Variants in FER1L5 observed in about 807,000 individuals in gnomAD.
FER1L5 encodes fer-1-like protein 5.
In FER1L5, 187 loss-of-function variants were observed where a neutral mutation model predicts 279.9. The observed-to-expected ratio is 0.67, with a 90% CI of 0.59 to 0.75. The LOEUF (loss-of-function observed/expected upper bound fraction) is 0.75, where lower values mean the gene tolerates loss of function less well. FER1L5 is among the 30% of genes least tolerant of loss of function. FER1L5 has a pLI of 0.00. For synonymous variants in FER1L5, 921 were observed against 989.7 expected, an observed-to-expected ratio of 0.93 and a Z score of 1.30; for missense variants, 2,091 against 2,594.4, an observed-to-expected ratio of 0.81 and a Z score of 4.21.
intron 37 of FER1L5, 137 bp from the exon 38 acceptor site, chr2:96,697,389 C>T: frequency 1.2e-6 from 1 of 866,058 alleles, no homozygotes; most frequent in East Asian, 2.7e-5. Flanking sequence ...TTCTAAAGAC[C>T]CCTGAATTAA....
At chr2:96,688,047 G>T (rs1053174227) in intron 24 of FER1L5, 100 bp downstream of exon 24, 3 of 1,463,706 alleles carry the variant, frequency 2.0e-6, no homozygotes, top group Non-Finnish European at 2.8e-6. Flanking sequence ...GGGATTTGGC[G>T]TGAGAAGGGA....
At chr2:96,693,791 T>C in intron 32 of FER1L5, 104 bp downstream of exon 32, 1 of 1,478,646 alleles carries the variant, frequency 6.8e-7, no homozygotes, top group Non-Finnish European at 9.0e-7. Context: ...CCATGAGGCC[T>C]GACGTGCAGA....
chr2:96,697,353 C>T (rs1558925602), intron 37 of FER1L5, among the ~76,000 whole-genome samples, 173 bp from the exon 38 acceptor site: 1 of 152,158 alleles, frequency 6.6e-6, no homozygotes, highest in African/African-American at 2.4e-5. Context: ...CTATCTGTCC[C>T]CTCCTTCTTG....
At chr2:96,649,497 C>A in intron 4 of FER1L5, 126 bp from the exon 5 acceptor site, 1 of 840,996 alleles carries the variant, frequency 1.2e-6, no homozygotes, top group Non-Finnish European at 1.9e-6. Context: ...GGCCCCATCC[C>A]ATGACTAGCA....
At chr2:96,703,689 G>T in intron 51 of FER1L5, 57 bp downstream of exon 51, 1 of 1,481,508 alleles carries the variant, frequency 6.7e-7, no homozygotes, top group Non-Finnish European at 9.4e-7. Context: ...TGTGTATGGG[G>T]TGGTGACCAG....
Position 96,700,264 on chromosome 2 carries a change from G to T in FER1L5, c.4931-68G>T. ...ACCCAGGCTGCGGTCGGGAGGGTAA[G>T]AGCCTACCTAGGAGATAGGAAGGCT... On this transcript the variant is annotated intron_variant, in intron 44 of 52. Coordinates refer to ENST00000624922, the MANE Select transcript of FER1L5 (RefSeq NM_001293083.2). 4 of 1,600,730 alleles carry T rather than the reference G, an allele frequency of 2.5e-6. No individual in the cohort carries two copies. The Admixed American group carries it at 5.0e-5, about 20-fold the overall frequency.
rs1402134770 is a variant in FER1L5, at chr2:96,702,128, G to A, written c.5159+85G>A. ...GGGCACCACTGTCCTCAGGTACTGA[G>A]CTGCAGTAATTCGTTTCTCTATTGG... On this transcript the variant is annotated intron_variant, in intron 46 of 52. Coordinates refer to ENST00000624922, the MANE Select transcript of FER1L5 (RefSeq NM_001293083.2). This position sits in a 1 kb window ranked among gnomAD's most constrained non-coding sequence, Gnocchi z 4.0. The A allele has an allele frequency of 1.3e-6, 2 of 1,572,454 alleles. No homozygotes were observed. The highest frequency in any genetic ancestry group is 1.7e-6 in the Non-Finnish European group (2 of 1,151,620).
chr2:96,694,155 C>T lies in FER1L5; in HGVS notation c.3636+83C>T. On this transcript the variant is annotated intron_variant, in intron 33 of 52. Transcript: ENST00000624922. This position sits in a 1 kb window ranked among gnomAD's most constrained non-coding sequence, Gnocchi z 4.6. ...ACCCCCAGCCAGCGGGGGCCAACTC[C>T]ACCCTGTCAGGAAATGCCTGGGGCC... is the stretch of plus-strand genomic sequence containing the variant. The T allele has an allele frequency of 6.8e-7, 1 of 1,465,262 alleles. No individual in the cohort carries two copies. The highest frequency in any genetic ancestry group is 9.0e-7 in the Non-Finnish European group (1 of 1,107,388). The allele number at this position is 1,465,262 out of a possible 1,614,324, so 90.8% of individuals were successfully genotyped here. A position where few individuals can be genotyped will look rare whatever the true frequency, so the allele number is the denominator to read the frequency against.
rs193001868 is a variant in FER1L5 at position 96,703,759 on chromosome 2, A to C, written c.5801+127A>C. 43 of 805,658 alleles carry C rather than the reference A, an allele frequency of 5.3e-5. No individual in the cohort carries two copies. In the East Asian group the frequency reaches 1.0e-3, roughly 20 times the overall value. The allele number at this position is 805,658 out of a possible 1,614,324, so 49.9% of individuals were successfully genotyped here. On this transcript the variant is annotated intron_variant, in intron 51 of 52. Coordinates refer to ENST00000624922, the MANE Select transcript of FER1L5 (RefSeq NM_001293083.2). ...ACCCCACAGCTCTGTGCTCAGTTAC[A>C]ATCAGCAAAGAACAGACTTGGGGTG...
At position 96,702,360 on chromosome 2, in the gene FER1L5, C is replaced by T. The variant is rs758540951; in HGVS notation, c.5214C>T (p.Asp1738=). The change falls in exon 47 of 53, where the codon GAC becomes GAT. Residue 1738 remains aspartate (D), a synonymous_variant. Coordinates refer to ENST00000624922, the MANE Select transcript of FER1L5 (RefSeq NM_001293083.2). The surrounding 1 kb of genome is among the most constrained non-coding windows in gnomAD (Gnocchi z 4.0). ...WKTANVDLVD[D]NLSREKTSDI... ...CTGCCAATGTGGACCTGGTGGATGA[C>T]AATTTAAGTAGAGAGAAGACGAGCG... is the stretch of plus-strand genomic sequence containing the variant. The T allele has an allele frequency of 7.4e-6, 12 of 1,612,996 alleles. No individual in the cohort carries two copies. The highest frequency in any genetic ancestry group is 1.0e-5 in the Non-Finnish European group (12 of 1,179,654).
chr2:96,692,026 G>T lies in FER1L5; in HGVS notation c.3214+63G>T, dbSNP rs368204259. ...GAGGCCAGTACCCGAGGGCGGGGGG[G>T]GGGGACAGGGTGGGGGCAGTCAGAG... On this transcript the variant is annotated intron_variant, in intron 30 of 52. Coordinates refer to ENST00000624922, the MANE Select transcript of FER1L5 (RefSeq NM_001293083.2). 67 of 1,165,464 alleles carry T rather than the reference G, an allele frequency of 5.7e-5. 1 individual carries two copies. Among genetic ancestry groups the T allele is most frequent in the East Asian group, 3.9e-4 (15 of 38,588 alleles). The allele number at this position is 1,165,464 out of a possible 1,614,324, so 72.2% of individuals were successfully genotyped here.
chr2:96,662,327 G>T, intron 13 of FER1L5, 60 bp downstream of exon 13: 1 of 1,503,992 alleles, frequency 6.6e-7, no homozygotes, highest in South Asian at 1.2e-5. Context: ...GTAGTTTGGA[G>T]AGGAGGGTGG....
rs751847767 is a variant in FER1L5, at chr2:96,670,328, C to T, written c.1491+81C>T. ...TCTACTGTGGATCCCAGTTTCTGAC[C>T]GTGTAGAGAGGCCCTGGCCACTGGC... is the stretch of plus-strand genomic sequence containing the variant. On this transcript the variant is annotated intron_variant, in intron 18 of 52. Transcript: ENST00000624922. The T allele has an allele frequency of 1.4e-5, 21 of 1,516,964 alleles. No individual in the cohort carries two copies. In the South Asian group the frequency reaches 1.5e-4, roughly 11 times the overall value. 94.0% of individuals were successfully genotyped at this position (1,516,964 alleles called of 1,614,324 possible).
chr2:96,701,302 CTG>C (rs2077577469), intron 45 of FER1L5, among the ~76,000 whole-genome samples: 1 of 151,532 alleles, frequency 6.6e-6, no homozygotes, highest in Admixed American at 6.6e-5. Context: ...GAGGGAAACT[CTG>C]TTTCAAAAAA....
intron 19 of FER1L5, among the ~76,000 whole-genome samples, chr2:96,679,750 T>C (rs2076650136): frequency 6.6e-6 from 1 of 152,208 alleles, no homozygotes; most frequent in African/African-American, 2.4e-5. Flanking sequence ...GTTTTATCTG[T>C]ATCTGTCATT....
At position 96,694,132 on chromosome 2, in the gene FER1L5, C is replaced by T. The variant is rs1441111581; in HGVS notation, c.3636+60C>T. ...CACTCAGTGCCCCTCCCCGTCCCAC[C>T]CCCAGCCAGCGGGGGCCAACTCCAC... On this transcript the variant is annotated intron_variant, in intron 33 of 52. Transcript: ENST00000624922. The surrounding 1 kb of genome is among the most constrained non-coding windows in gnomAD (Gnocchi z 4.6). The T allele has an allele frequency of 1.3e-6, 2 of 1,487,330 alleles. No individual in the cohort carries two copies. Among genetic ancestry groups the T allele is most frequent in the African/African-American group, 2.8e-5 (2 of 71,948 alleles). The allele number at this position is 1,487,330 out of a possible 1,614,324, so 92.1% of individuals were successfully genotyped here. A position where few individuals can be genotyped will look rare whatever the true frequency, so the allele number is the denominator to read the frequency against.
At chr2:96,687,787 C>G in intron 23 of FER1L5, 29 bp from the exon 24 acceptor site, 1 of 1,549,960 alleles carries the variant, frequency 6.5e-7, no homozygotes, top group Admixed American at 2.0e-5. Context: ...GTTTAGTGCC[C>G]CTGTGGGACC....
At position 96,704,510 on chromosome 2, in the gene FER1L5, T is replaced by G. The variant is rs767380294; in HGVS notation, c.5992T>G (p.Tyr1998Asp). The change falls in exon 53 of 53, where the codon TAT becomes GAT. Residue 1998 changes from tyrosine to aspartate, a missense_variant. Physicochemically the swap from Tyr to Asp is radical, Grantham distance 160. Transcript: ENST00000624922. The part of the protein sequence containing the change: ...MSWIKPQLQL[Y>D]PPIKIFNIIN... ...CTGGATCAAACCTCAACTTCAGCTG[T>G]ATCCTCCCATTAAAATATTCAATAT... The G allele has an allele frequency of 3.1e-6, 5 of 1,613,944 alleles. No homozygotes were observed. The highest frequency in any genetic ancestry group is 3.4e-6 in the Non-Finnish European group (4 of 1,179,886).
intron 6 of FER1L5, 116 bp downstream of exon 6, chr2:96,650,405 C>T (rs1419163892): frequency 1.2e-6 from 1 of 817,022 alleles, no homozygotes; most frequent in Non-Finnish European, 2.0e-6. Context: ...GCTTCAGACC[C>T]AGCTTCTGGC....
Sources: allele counts gnomAD v4.1 joint callset (sites outside exome capture counted in the v4.1 genomes callset), GRCh38; gene constraint gnomAD v4.1.1; non-coding constraint Gnocchi (gnomAD v3.1); transcripts MANE v1.5; gene names NCBI Gene and HGNC (gene_info 2026-07-23, HGNC 2026-07-21).